The following NTM variants were observed in gnomAD, a reference collection of about 807,000 sequenced individuals.
NTM encodes IgLON family member 2.
In NTM, 13 loss-of-function variants were observed where a neutral mutation model predicts 42.1. The observed-to-expected ratio is 0.31, with a 90% CI of 0.20 to 0.49. The LOEUF is 0.49. NTM is among the 20% of genes least tolerant of loss of function. NTM has a pLI of 0.99. For synonymous variants in NTM, 187 were observed against 179.2 expected (o/e 1.04, Z -0.35); for missense variants, 373 against 452.8 (o/e 0.82, Z 1.60).
At chr11:132,040,433 G>T (rs2077035727) in intron 2 of NTM, among the ~76,000 whole-genome samples, 2 of 152,142 alleles carry the variant, frequency 1.3e-5, no homozygotes, top group African/African-American at 4.8e-5. Context: ...GGGCAGTTTG[G>T]GTGACACATT....
At chr11:132,277,396 G>A (rs2093769448) in intron 4 of NTM, among the ~76,000 whole-genome samples, 1 of 152,194 alleles carries the variant, frequency 6.6e-6, no homozygotes, top group African/African-American at 2.4e-5. Context: ...ACCAAGGATT[G>A]TAGGAGAAGG....
intron 1 of NTM, among the ~76,000 whole-genome samples, chr11:131,385,908 G>A (rs1943260293): frequency 6.6e-6 from 1 of 152,124 alleles, no homozygotes; most frequent in African/African-American, 2.4e-5. Context: ...AAATCAGTCA[G>A]TGAATTGGAA....
chr11:132,112,718 TACACAC>T (rs61630313), intron 2 of NTM, among the ~76,000 whole-genome samples: 1,471 of 141,988 alleles, frequency 0.01, 14 homozygotes, highest in African/African-American at 0.021. Flanking sequence ...ACTGCACACT[TACACAC>T]ACACACACAC....
chr11:131,801,800 T>C (rs183912801), intron 1 of NTM, among the ~76,000 whole-genome samples: 15 of 152,184 alleles, frequency 9.9e-5, no homozygotes, highest in African/African-American at 3.4e-4. Flanking sequence ...CCGTAACACG[T>C]TCTGACGTCC....
chr11:132,330,516 G>A (rs1431580789), intron 8 of NTM, among the ~76,000 whole-genome samples: 2 of 152,144 alleles, frequency 1.3e-5, no homozygotes, highest in Admixed American at 6.5e-5. Context: ...CTCTAATGCA[G>A]CGATCTTCTC....
intron 3 of NTM, among the ~76,000 whole-genome samples, chr11:132,176,156 G>A (rs762816829): frequency 1.3e-5 from 2 of 152,156 alleles, no homozygotes; most frequent in Admixed American, 6.6e-5. Context: ...TGGAAGAGAA[G>A]CAGTGTTGTG....
At chr11:131,810,444 A>G (rs922984700) in intron 1 of NTM, among the ~76,000 whole-genome samples, 2 of 152,178 alleles carry the variant, frequency 1.3e-5, no homozygotes, top group South Asian at 2.1e-4. Flanking sequence ...GCACCCCCCA[A>G]TCTGGACAAA....
intron 2 of NTM, among the ~76,000 whole-genome samples, chr11:131,974,822 G>GT (rs1565862510): frequency 6.6e-6 from 1 of 152,138 alleles, no homozygotes; most frequent in Non-Finnish European, 1.5e-5. Context: ...AGGTCCTAGT[G>GT]TTTTTACAGT....
chr11:132,203,629 T>G (rs1027597099), intron 3 of NTM, among the ~76,000 whole-genome samples: 1 of 152,204 alleles, frequency 6.6e-6, no homozygotes, highest in East Asian at 1.9e-4. Flanking sequence ...CGGTGGCACA[T>G]GCCTGTAATC....
intron 1 of NTM, among the ~76,000 whole-genome samples, chr11:131,800,216 T>A (rs529018542): frequency 6.6e-6 from 1 of 152,328 alleles, no homozygotes; most frequent in East Asian, 1.9e-4. Flanking sequence ...AGAACAGGAT[T>A]TAAAGAAGTA....
intron 1 of NTM, among the ~76,000 whole-genome samples, chr11:131,747,817 T>C (rs571365091): frequency 3.4e-4 from 52 of 152,320 alleles, no homozygotes; most frequent in African/African-American, 1.2e-3. Flanking sequence ...CATTGTATTG[T>C]CTTTGCATAG....
In NTM at chr11:131,766,638, C is replaced by A. The variant is rs1046880535; in HGVS notation, c.83-144926C>A. Among the ~76,000 whole-genome samples the A allele has an allele frequency of 3.3e-5, 5 of 152,154 alleles. 1 individual carries two copies. Among genetic ancestry groups the A allele is most frequent in the Admixed American group, 1.3e-4 (2 of 15,260 alleles). ...TATCAACCGCAGAACTCAGACAGAG[C>A]AGCCTCCATTATTCCACCTGTCCTT... On this transcript the variant is annotated intron_variant, in intron 1 of 8. Coordinates refer to ENST00000683400, the MANE Select transcript of NTM (RefSeq NM_001352005.2).
intron 1 of NTM, among the ~76,000 whole-genome samples, chr11:131,805,734 A>G (rs1272199549): frequency 1.3e-5 from 2 of 152,246 alleles, no homozygotes; most frequent in African/African-American, 4.8e-5. Context: ...CAATAATAGA[A>G]CAAAACTCCC....
chr11:132,186,241 C>A (rs916077528), intron 3 of NTM, among the ~76,000 whole-genome samples: 1 of 152,186 alleles, frequency 6.6e-6, no homozygotes, highest in African/African-American at 2.4e-5. Context: ...TTACTCGATT[C>A]CACCTCATTA....
At chr11:131,984,403 A>G (rs1307331517) in intron 2 of NTM, 1 of 152,240 alleles carries the variant, frequency 6.6e-6, no homozygotes, top group Admixed American at 6.5e-5. Context: ...TTACTGGTTC[A>G]TGGGTGATAT....
chr11:132,008,852 T>C (rs901519042), intron 2 of NTM, among the ~76,000 whole-genome samples: 1 of 151,848 alleles, frequency 6.6e-6, no homozygotes, highest in African/African-American at 2.4e-5. Flanking sequence ...TCCTTTTCTT[T>C]CTTTCCTTGT....
chr11:132,208,217 A>G (rs1267603830), intron 3 of NTM, among the ~76,000 whole-genome samples: 5 of 152,246 alleles, frequency 3.3e-5, no homozygotes, highest in Admixed American at 6.5e-5. Flanking sequence ...AGCTAAAACC[A>G]CAGTGCACCC....
At chr11:131,650,686 C>T (rs1449475054) in intron 1 of NTM, among the ~76,000 whole-genome samples, 1 of 152,012 alleles carries the variant, frequency 6.6e-6, no homozygotes, top group East Asian at 1.9e-4. Flanking sequence ...GATATAGGAA[C>T]AGTAATTTAC....
intron 1 of NTM, among the ~76,000 whole-genome samples, chr11:131,493,960 C>T (rs1411889690): frequency 1.3e-5 from 2 of 152,102 alleles, no homozygotes; most frequent in African/African-American, 4.8e-5. Flanking sequence ...TATCATTTCT[C>T]CTCAAATACC....
Sources: gnomAD v4.1 joint callset for allele counts (sites outside exome capture counted in the v4.1 genomes callset) on GRCh38, gnomAD v4.1.1 for gene constraint, MANE v1.5 for transcripts, NCBI Gene and HGNC (gene_info 2026-07-23, HGNC 2026-07-21) for gene names.